Variants in MUC7 observed in about 807,000 individuals in gnomAD.
MUC7 encodes mucin-7.
In MUC7, 2 loss-of-function variants were observed where a neutral mutation model predicts 2.5. The observed-to-expected ratio is 0.81, with a 90% CI of 0.33 to 2.55. The LOEUF (loss-of-function observed/expected upper bound fraction) is 2.55. MUC7 is among the 30% of genes most tolerant of loss of function. The probability of loss-of-function intolerance (pLI) is 0.11; values close to 1 mark genes in which losing one functional copy is unlikely to be tolerated. For synonymous variants in MUC7, 133 were observed against 173.4 expected (o/e 0.77, Z 1.83); for missense variants, 408 against 455.6 (o/e 0.90, Z 0.95).
chr4:70,473,227 G>A (rs1023010325), intron 1 of MUC7, among the ~76,000 whole-genome samples: 1 of 152,090 alleles, frequency 6.6e-6, no homozygotes, highest in African/African-American at 2.4e-5. Flanking sequence ...TTGAGCCCAG[G>A]AGTTCAGGAC....
At chr4:70,457,764 G>A (rs10019330) in intron 1 of MUC7, among the ~76,000 whole-genome samples, 2 of 151,926 alleles carry the variant, frequency 1.3e-5, no homozygotes, top group African/African-American at 2.4e-5. Flanking sequence ...GTGTGAGAGA[G>A]AGATACCAAG....
At chr4:70,435,371 T>C (rs112952672) in intron 1 of MUC7, among the ~76,000 whole-genome samples, 4,507 of 152,338 alleles carry the variant, frequency 0.03, 93 homozygotes, top group Non-Finnish European at 0.043. Context: ...ACTTGCTTTA[T>C]GAATCTGGAT....
chr4:70,479,326 A>T (rs916024669), intron 2 of MUC7, among the ~76,000 whole-genome samples: 14 of 152,230 alleles, frequency 9.2e-5, no homozygotes, highest in African/African-American at 3.4e-4. Flanking sequence ...CTGAAAGCCC[A>T]GTACCTAGAA....
chr4:70,481,190 C>A lies in MUC7; in HGVS notation c.446C>A (p.Ser149Tyr), dbSNP rs1735160771. The A allele has an allele frequency of 6.2e-7, 1 of 1,614,078 alleles. No homozygotes were observed. The highest frequency in any genetic ancestry group is 1.1e-5 in the South Asian group (1 of 91,092). Residue 149 changes from serine to tyrosine, a missense_variant, in exon 3 of 3, where the codon TCT (serine) becomes TAT (tyrosine). By Grantham distance (144) the Ser-to-Tyr change is moderately radical. This residue lies in a region of MUC7 where 225 missense variants were observed against 240.5 expected (regional missense o/e 0.94). Transcript: ENST00000304887. Reference protein sequence around the residue: ...ISSRENVNTSSSVATLAPVNS... With the variant: ...ISSRENVNTSYSVATLAPVNS... ...TCAAGAGAAAATGTTAACACAAGCT[C>A]TTCTGTAGCTACATTAGCACCAGTG...
intron 2 of MUC7, among the ~76,000 whole-genome samples, chr4:70,476,062 C>T (rs74978498): frequency 0.014 from 2,057 of 152,170 alleles, 49 homozygotes; most frequent in African/African-American, 0.047. Context: ...TTTATAGGGC[C>T]CCAATTTCCC....
At chr4:70,480,483 C>T (rs1191030133) in intron 2 of MUC7, among the ~76,000 whole-genome samples, 1 of 152,166 alleles carries the variant, frequency 6.6e-6, no homozygotes, top group Admixed American at 6.5e-5. Flanking sequence ...GTAACTTGAC[C>T]ATTTTCCACC....
intron 1 of MUC7, among the ~76,000 whole-genome samples, chr4:70,435,961 AG>A (rs1733820879): frequency 6.6e-6 from 1 of 152,138 alleles, no homozygotes; most frequent in East Asian, 1.9e-4. Flanking sequence ...TCACTTATGA[AG>A]CTTAGTTTGG....
intron 1 of MUC7, among the ~76,000 whole-genome samples, chr4:70,454,604 G>A (rs757470100): frequency 3.9e-5 from 6 of 152,200 alleles, no homozygotes; most frequent in African/African-American, 4.8e-5. Context: ...GTGATATGAA[G>A]TTAAAACCAG....
intron 1 of MUC7, among the ~76,000 whole-genome samples, chr4:70,442,574 C>G (rs1284438010): frequency 2.0e-5 from 3 of 152,182 alleles, no homozygotes; most frequent in Non-Finnish European, 4.4e-5. Flanking sequence ...AGGATGAACC[C>G]AAGGAAGAGG....
At chr4:70,462,800 C>G (rs1734587930) in intron 1 of MUC7, among the ~76,000 whole-genome samples, 1 of 85,682 alleles carries the variant, frequency 1.2e-5, no homozygotes, top group South Asian at 4.2e-4. Flanking sequence ...TAGCAAGACC[C>G]TATCTCTAAA....
At chr4:70,436,823 A>C (rs553713260) in intron 1 of MUC7, among the ~76,000 whole-genome samples, 2 of 151,932 alleles carry the variant, frequency 1.3e-5, no homozygotes, top group African/African-American at 4.8e-5. Flanking sequence ...GTTTCTCCCC[A>C]TCTTTATGGT....
At chr4:70,436,096 TGTG>T (rs1278837806) in intron 1 of MUC7, among the ~76,000 whole-genome samples, 2 of 152,226 alleles carry the variant, frequency 1.3e-5, no homozygotes, top group African/African-American at 4.8e-5. Context: ...AGCTTCCCTT[TGTG>T]AGTAGCCTAA....
At chr4:70,456,759 A>C (rs2109721518) in intron 1 of MUC7, among the ~76,000 whole-genome samples, 1 of 152,320 alleles carries the variant, frequency 6.6e-6, no homozygotes, top group South Asian at 2.1e-4. Context: ...GAAAACAAAA[A>C]GTTGTGAAAT....
intron 2 of MUC7, among the ~76,000 whole-genome samples, chr4:70,480,462 G>A (rs1348587743): frequency 2.6e-5 from 4 of 152,292 alleles, no homozygotes; most frequent in African/African-American, 9.6e-5. Context: ...TTTGTGATGG[G>A]ACCTCAGGCA....
intron 1 of MUC7, among the ~76,000 whole-genome samples, chr4:70,433,677 C>T (rs1361381404): frequency 6.6e-6 from 1 of 152,138 alleles, no homozygotes; most frequent in East Asian, 1.9e-4. Flanking sequence ...CAAACAGGGA[C>T]AATTTGACTT....
chr4:70,436,567 T>C (rs750429106), intron 1 of MUC7, among the ~76,000 whole-genome samples: 1 of 152,242 alleles, frequency 6.6e-6, no homozygotes, highest in African/African-American at 2.4e-5. Context: ...TTCTCTTCTC[T>C]ACACTTGTTA....
At chr4:70,447,618 A>C (rs1734177923) in intron 1 of MUC7, among the ~76,000 whole-genome samples, 1 of 152,066 alleles carries the variant, frequency 6.6e-6, no homozygotes, top group African/African-American at 2.4e-5. Context: ...CTTTACATTA[A>C]CTGATTTGTT....
intron 1 of MUC7, among the ~76,000 whole-genome samples, chr4:70,457,180 T>C (rs1734435834): frequency 1.3e-5 from 2 of 152,174 alleles, no homozygotes; most frequent in African/African-American, 2.4e-5. Flanking sequence ...TGGTGGCTCA[T>C]ACCTGTCATC....
chr4:70,456,416 C>A (rs1233701664), intron 1 of MUC7, among the ~76,000 whole-genome samples: 1 of 152,098 alleles, frequency 6.6e-6, no homozygotes, highest in East Asian at 1.9e-4. Flanking sequence ...GAAGAACTAC[C>A]TGAGACTGGG....
Sources: gnomAD v4.1 joint callset for allele counts (sites outside exome capture counted in the v4.1 genomes callset) on GRCh38, gnomAD v4.1.1 for gene constraint, gnomAD v4.1.1 regional missense constraint, MANE v1.5 for transcripts, NCBI Gene and HGNC (gene_info 2026-07-23, HGNC 2026-07-21) for gene names.